Variants in INTS6 observed in about 807,000 individuals in gnomAD.
INTS6 encodes the protein DEAD box protein.
Under a neutral mutation model 104.9 loss-of-function variants are expected in INTS6, and 16 were observed. The observed-to-expected ratio is 0.15, with a 90% CI of 0.10 to 0.23. The LOEUF is 0.23. INTS6 is among the 10% of genes least tolerant of loss of function. INTS6 has a pLI of 1.00. For synonymous variants in INTS6, 324 were observed against 358.7 expected, an observed-to-expected ratio of 0.90 and a Z score of 1.09; for missense variants, 584 against 1,062.8, an observed-to-expected ratio of 0.55 and a Z score of 6.26.
the INTS6 span, chr13:51,348,785 T>A: frequency 2.9e-3 from 618 of 211,714 alleles, no homozygotes; most frequent in African/African-American, 0.014. Flanking sequence ...TCTTATCCCA[T>A]CCTAAGAGTA....
intron 4 of INTS6, among the ~76,000 whole-genome samples, chr13:51,422,385 A>T (rs989121961): frequency 2.0e-5 from 3 of 152,172 alleles, no homozygotes; most frequent in Non-Finnish European, 4.4e-5. Flanking sequence ...GACAATGTGT[A>T]GACAGGATGT....
chr13:51,445,875 C>T (rs1004746576), intron 3 of INTS6: 2 of 152,144 alleles, frequency 1.3e-5, no homozygotes, highest in African/African-American at 4.8e-5. Context: ...ACTGGATATC[C>T]ACATGCAAAA....
intron 15 of INTS6, among the ~76,000 whole-genome samples, chr13:51,371,130 A>C (rs1955794140): frequency 6.6e-6 from 1 of 152,198 alleles, no homozygotes; most frequent in Non-Finnish European, 1.5e-5. Flanking sequence ...AGACTGAATA[A>C]ATGAGAATCT....
Position 51,362,245 on chromosome 13 carries a change from T to A in INTS6, c.*3507A>T, listed in dbSNP as rs1423454798. 3 of 420,810 alleles carry A rather than the reference T, an allele frequency of 7.1e-6. No homozygotes were observed. The highest frequency in any genetic ancestry group is 4.0e-6 in the Non-Finnish European group (1 of 249,612). The allele number at this position is 420,810 out of a possible 1,614,324, so 26.1% of individuals were successfully genotyped here. A position where few individuals can be genotyped will look rare whatever the true frequency, so the allele number is the denominator to read the frequency against. ...CTTTTTTCCCTTTGTCCCCTAGCTT[T>A]CTTATCATTTTAGAGTTTTTTCAGG... On this transcript the variant is annotated 3_prime_UTR_variant, in exon 18 of 18. Coordinates refer to ENST00000311234, the MANE Select transcript of INTS6 (RefSeq NM_012141.3).
intron 3 of INTS6, chr13:51,440,032 A>C (rs905381812): frequency 6.6e-6 from 1 of 152,414 alleles, no homozygotes; most frequent in Non-Finnish European, 1.5e-5. Flanking sequence ...AGGTCAGGAG[A>C]TCAGGAGGTC....
the INTS6 span, among the ~76,000 whole-genome samples, chr13:51,347,495 T>C: frequency 6.6e-6 from 1 of 152,174 alleles, no homozygotes; most frequent in Non-Finnish European, 1.5e-5. Flanking sequence ...CATTTCCTTC[T>C]GCACTAGTAG....
the INTS6 span, chr13:51,340,643 T>G: frequency 6.0e-6 from 1 of 167,286 alleles, no homozygotes. Flanking sequence ...CAAAGTCCTT[T>G]TTAACATAGT....
intron 4 of INTS6, among the ~76,000 whole-genome samples, chr13:51,400,436 A>T (rs1956415754): frequency 6.6e-6 from 1 of 152,112 alleles, no homozygotes; most frequent in Non-Finnish European, 1.5e-5. Flanking sequence ...AAAGCTTATT[A>T]TTTTCCCACT....
At chr13:51,432,953 A>G (rs1037151706) in intron 3 of INTS6, among the ~76,000 whole-genome samples, 1 of 152,254 alleles carries the variant, frequency 6.6e-6, no homozygotes, top group African/African-American at 2.4e-5. Context: ...TAGCTCAAAA[A>G]TTGCCTAAGG....
At chr13:51,451,810 G>C (rs1168776690) in intron 2 of INTS6, among the ~76,000 whole-genome samples, 168 bp downstream of exon 2, 1 of 150,394 alleles carries the variant, frequency 6.6e-6, no homozygotes, top group Non-Finnish European at 1.5e-5. Flanking sequence ...CTAGGACGCT[G>C]CCGAGCGGGG....
chr13:51,413,833 A>G (rs911615760), intron 4 of INTS6, among the ~76,000 whole-genome samples: 1 of 152,186 alleles, frequency 6.6e-6, no homozygotes, highest in Non-Finnish European at 1.5e-5. Flanking sequence ...GCAAAAATGT[A>G]CAAGATAAGC....
In INTS6 at chr13:51,387,466, G is replaced by T. The variant is rs1285756144; in HGVS notation, c.814C>A (p.Pro272Thr). The change falls in exon 7 of 18, where the codon CCA becomes ACA. Residue 272 changes from proline (P) to threonine (T), a missense_variant. By Grantham distance (38) the Pro-to-Thr change is conservative. Transcript: ENST00000311234. ...HSCHKLIYVR[P>T]NPKTGVPIGH... is the part of the protein sequence containing the mutation. ...ATAGGAACCCCAGTTTTAGGATTTG[G>T]TCTGACATATATGAGTTTGTGACAG... 1 of 1,613,790 alleles carries T rather than the reference G, an allele frequency of 6.2e-7. No individual in the cohort carries two copies. The highest frequency in any genetic ancestry group is 8.5e-7 in the Non-Finnish European group (1 of 1,179,902).
intron 4 of INTS6, among the ~76,000 whole-genome samples, chr13:51,407,621 C>T (rs1052793796): frequency 1.3e-5 from 2 of 152,132 alleles, no homozygotes; most frequent in African/African-American, 4.8e-5. Context: ...TCTACCTTAA[C>T]TATTATAGTG....
intron 3 of INTS6, chr13:51,442,281 G>C (rs1352706682): frequency 6.6e-6 from 1 of 151,672 alleles, no homozygotes; most frequent in Non-Finnish European, 1.5e-5. Flanking sequence ...GCCTGTAGCT[G>C]GGATTACAGG....
chr13:51,406,179 C>A (rs1023207028), intron 4 of INTS6, among the ~76,000 whole-genome samples: 1 of 152,132 alleles, frequency 6.6e-6, no homozygotes, highest in Non-Finnish European at 1.5e-5. Flanking sequence ...AATGTATAGT[C>A]TCAACCCCCA....
chr13:51,418,666 T>TA (rs1267232459), intron 4 of INTS6, among the ~76,000 whole-genome samples: 1 of 152,218 alleles, frequency 6.6e-6, no homozygotes, highest in Non-Finnish European at 1.5e-5. Flanking sequence ...AATTTTTGAT[T>TA]AAAAAATCAA....
At chr13:51,414,833 T>TACACACACACACACACACAC (rs151197136) in intron 4 of INTS6, among the ~76,000 whole-genome samples, 12 of 143,046 alleles carry the variant, frequency 8.4e-5, no homozygotes, top group African/African-American at 3.1e-4. Flanking sequence ...AGTTCTTCTA[T>TACACACACACACACACACAC]ACACACACAC....
intron 12 of INTS6, among the ~76,000 whole-genome samples, chr13:51,377,862 A>G (rs1279098489): frequency 6.6e-6 from 1 of 152,160 alleles, no homozygotes; most frequent in Non-Finnish European, 1.5e-5. Flanking sequence ...CTGCTGGGAT[A>G]AAGATATCTG....
intron 4 of INTS6, among the ~76,000 whole-genome samples, chr13:51,414,142 T>C (rs1292647025): frequency 1.4e-4 from 21 of 152,204 alleles, no homozygotes; most frequent in Admixed American, 1.3e-3. Context: ...GAAATCCAGT[T>C]GTATGATGTG....
Sources: gnomAD v4.1 joint callset for allele counts (sites outside exome capture counted in the v4.1 genomes callset) on GRCh38, gnomAD v4.1.1 for gene constraint, MANE v1.5 for transcripts, NCBI Gene and HGNC (gene_info 2026-07-23, HGNC 2026-07-21) for gene names.